Variants in SLC24A3 observed in about 807,000 individuals in gnomAD.
SLC24A3 encodes the protein sodium/potassium/calcium exchanger 3.
Under a neutral mutation model 75.8 loss-of-function variants are expected in SLC24A3, and 28 were observed. The ratio of observed to expected loss-of-function variants is 0.37; its 90% confidence interval spans 0.27 to 0.51. The LOEUF is 0.51. Among genes scored for constraint, SLC24A3 ranks in the 20% least tolerant of loss-of-function variants. SLC24A3 has a pLI of 0.94. For missense variants in SLC24A3, 663 were observed against 847.8 expected, an observed-to-expected ratio of 0.78 and a Z score of 2.71; for synonymous variants, 372 against 334.1, an observed-to-expected ratio of 1.11 and a Z score of -1.24.
chr20:19,624,949 C>A (rs1400957537), intron 6 of SLC24A3, among the ~76,000 whole-genome samples: 3 of 152,076 alleles, frequency 2.0e-5, no homozygotes, highest in African/African-American at 7.2e-5. Flanking sequence ...TGAGCTCAAC[C>A]CAATGGAATG....
At chr20:19,651,860 C>CAAAAA (rs11473740) in intron 6 of SLC24A3, among the ~76,000 whole-genome samples, 12 of 120,132 alleles carry the variant, frequency 1.0e-4, no homozygotes, top group African/African-American at 1.2e-4. Context: ...GACTCCATCT[C>CAAAAA]AAAAAAAAAA....
intron 1 of SLC24A3, among the ~76,000 whole-genome samples, chr20:19,260,967 C>T (rs1036772339): frequency 2.0e-5 from 3 of 152,110 alleles, no homozygotes; most frequent in African/African-American, 2.4e-5. Context: ...AATGGGAAAC[C>T]GAATCAGGGT....
At chr20:19,707,752 T>C (rs2032945937) in intron 15 of SLC24A3, among the ~76,000 whole-genome samples, 1 of 152,214 alleles carries the variant, frequency 6.6e-6, no homozygotes, top group Admixed American at 6.5e-5. Context: ...ATGCCATTCA[T>C]GGAGATGGGG....
At chr20:19,653,794 G>T (rs1454834400) in intron 6 of SLC24A3, among the ~76,000 whole-genome samples, 1 of 152,218 alleles carries the variant, frequency 6.6e-6, no homozygotes, top group African/African-American at 2.4e-5. Flanking sequence ...CAGTTGGACA[G>T]GCTGCATGCC....
chr20:19,463,129 A>G (rs572888344), intron 2 of SLC24A3, among the ~76,000 whole-genome samples: 1 of 152,312 alleles, frequency 6.6e-6, no homozygotes, highest in South Asian at 2.1e-4. Flanking sequence ...GAAATATTCC[A>G]TAGCTTTCAA....
chr20:19,636,853 C>T (rs967064185), intron 6 of SLC24A3, among the ~76,000 whole-genome samples: 6 of 152,006 alleles, frequency 3.9e-5, no homozygotes, highest in African/African-American at 1.5e-4. Context: ...ACCAAGTAAC[C>T]GAAGATAATT....
At chr20:19,599,375 G>A (rs1186592475) in intron 6 of SLC24A3, among the ~76,000 whole-genome samples, 2 of 152,134 alleles carry the variant, frequency 1.3e-5, no homozygotes, top group Non-Finnish European at 2.9e-5. Context: ...GTATGATGTG[G>A]TCCCTCCCGC....
At chr20:19,264,227 G>A (rs1175746419) in intron 1 of SLC24A3, 1 of 151,572 alleles carries the variant, frequency 6.6e-6, no homozygotes, top group Non-Finnish European at 1.5e-5. Flanking sequence ...CTTGTTTTAA[G>A]AGACATTGTT....
intron 2 of SLC24A3, among the ~76,000 whole-genome samples, chr20:19,441,294 G>T (rs1301747255): frequency 6.6e-6 from 1 of 152,220 alleles, no homozygotes; most frequent in South Asian, 2.1e-4. Flanking sequence ...AAGTAATGAC[G>T]GTTGACACCT....
chr20:19,700,913 C>A (rs1220539498), intron 15 of SLC24A3, among the ~76,000 whole-genome samples: 1 of 152,136 alleles, frequency 6.6e-6, no homozygotes, highest in Non-Finnish European at 1.5e-5. Flanking sequence ...TAGAGTTTTA[C>A]CTAAATCTAT....
intron 1 of SLC24A3, among the ~76,000 whole-genome samples, chr20:19,260,931 T>C (rs1420428803): frequency 6.6e-6 from 1 of 152,184 alleles, no homozygotes; most frequent in African/African-American, 2.4e-5. Flanking sequence ...TGGGATCAGG[T>C]CGAGTCACAG....
intron 3 of SLC24A3, among the ~76,000 whole-genome samples, chr20:19,519,273 T>C (rs1458357015): frequency 1.3e-5 from 2 of 152,226 alleles, no homozygotes; most frequent in Non-Finnish European, 2.9e-5. Flanking sequence ...CAGATGGTTC[T>C]GACCCCTTGA....
chr20:19,280,898 C>T (rs776128885), intron 1 of SLC24A3, 61 bp from the exon 2 acceptor site: 13 of 1,569,404 alleles, frequency 8.3e-6, no homozygotes, highest in South Asian at 3.6e-5. Flanking sequence ...GGGCATGCAG[C>T]GTCGGCAGAG....
chr20:19,447,451 C>A (rs925259121), intron 2 of SLC24A3, among the ~76,000 whole-genome samples: 10 of 151,994 alleles, frequency 6.6e-5, no homozygotes, highest in African/African-American at 2.4e-4. Flanking sequence ...GTTTGCAGAG[C>A]CCCAAGCAGT....
chr20:19,507,502 A>C (rs531195497), intron 2 of SLC24A3, among the ~76,000 whole-genome samples: 63 of 152,370 alleles, frequency 4.1e-4, no homozygotes, highest in Middle Eastern at 3.4e-3. Flanking sequence ...TCAGTCACTC[A>C]GGGATCCAGG....
At chr20:19,246,604 T>A (rs1982492566) in intron 1 of SLC24A3, among the ~76,000 whole-genome samples, 1 of 152,222 alleles carries the variant, frequency 6.6e-6, no homozygotes, top group Admixed American at 6.5e-5. Flanking sequence ...TGAAGAGATG[T>A]ATAACACTAA....
At chr20:19,493,962 C>G (rs549404809) in intron 2 of SLC24A3, among the ~76,000 whole-genome samples, 1 of 152,350 alleles carries the variant, frequency 6.6e-6, no homozygotes, top group Non-Finnish European at 1.5e-5. Context: ...TCTCTTGGCT[C>G]CAACTTCCTT....
chr20:19,624,401 G>T (rs560352591), intron 6 of SLC24A3, among the ~76,000 whole-genome samples: 1 of 152,316 alleles, frequency 6.6e-6, no homozygotes, highest in African/African-American at 2.4e-5. Flanking sequence ...GTATGTATGA[G>T]ACAGCTATTG....
chr20:19,246,902 A>G (rs1026907517), intron 1 of SLC24A3, among the ~76,000 whole-genome samples: 1 of 151,842 alleles, frequency 6.6e-6, no homozygotes, highest in Non-Finnish European at 1.5e-5. Context: ...AAAACCTGAA[A>G]GTAAATATAA....
Sources: allele counts gnomAD v4.1 joint callset (sites outside exome capture counted in the v4.1 genomes callset), GRCh38; gene constraint gnomAD v4.1.1; transcripts MANE v1.5; gene names NCBI Gene and HGNC (gene_info 2026-07-23, HGNC 2026-07-21).